The following PRAG1 variants were observed in gnomAD, a reference collection of about 807,000 sequenced individuals.
PRAG1 encodes PEAK1 related, kinase-activating pseudokinase 1.
Under a neutral mutation model 95.6 loss-of-function variants are expected in PRAG1, and 110 were observed. That is an observed-to-expected ratio of 1.15 (90% CI 0.99 to 1.35). The LOEUF (loss-of-function observed/expected upper bound fraction) is 1.35, where lower values mean the gene tolerates loss of function less well. Ranked by LOEUF, PRAG1 falls within the 40% of genes most tolerant of loss-of-function variation. The pLI, the probability that PRAG1 is intolerant of heterozygous loss-of-function variation, is 0.00. For synonymous variants in PRAG1, 1,052 were observed against 819.4 expected, an observed-to-expected ratio of 1.28 and a Z score of -4.85; for missense variants, 2,554 against 1,864.7, an observed-to-expected ratio of 1.37 and a Z score of -6.81.
intron 5 of PRAG1, among the ~76,000 whole-genome samples, chr8:8,322,629 G>T (rs1319824763): frequency 1.3e-5 from 2 of 152,038 alleles, no homozygotes; most frequent in African/African-American, 4.8e-5. Context: ...TTACTGATAG[G>T]GCAGTCTCTT....
intron 3 of PRAG1, 47 bp downstream of exon 3, chr8:8,376,200 A>G: frequency 1.3e-6 from 2 of 1,574,820 alleles, no homozygotes; most frequent in East Asian, 2.2e-5. Flanking sequence ...CTTCTGGAAG[A>G]GCCCTTTGCC....
intron 3 of PRAG1, among the ~76,000 whole-genome samples, chr8:8,368,768 C>G (rs986296787): frequency 6.6e-5 from 10 of 151,978 alleles, no homozygotes; most frequent in African/African-American, 1.9e-4. Flanking sequence ...ATGCACCTGA[C>G]AAAGCATGGA....
chr8:8,350,666 T>A (rs1286251338), intron 3 of PRAG1, among the ~76,000 whole-genome samples: 1 of 152,088 alleles, frequency 6.6e-6, no homozygotes, highest in Non-Finnish European at 1.5e-5. Flanking sequence ...AATGATGTGG[T>A]GGTTAAGAGC....
rs2117092955 is a variant in PRAG1 at position 8,319,192 on chromosome 8, G to A, written c.3183C>T (p.Ser1061=). 1 of 1,599,922 alleles carries A rather than the reference G, an allele frequency of 6.3e-7. No individual in the cohort carries two copies. The highest frequency in any genetic ancestry group is 8.5e-7 in the Non-Finnish European group (1 of 1,171,326). ...TGGGCGCGTCGGGGGAGCTGAGCAT[G>A]CTGGACGGCACCGAGGCGACGAAGT... is the stretch of plus-strand genomic sequence containing the variant. ...CGHFVASVPS[S]MLSSPDAPKD... is the part of the protein sequence containing the mutation. The change falls in exon 6 of 6, where the codon AGC becomes AGT. Residue 1061 remains serine (S), a synonymous_variant. Coordinates refer to ENST00000615670, the MANE Select transcript of PRAG1 (RefSeq NM_001080826.3).
rs991828801 is a variant in PRAG1, at chr8:8,318,572, G to T, written c.3803C>A (p.Pro1268His). ...CTGGGCGCGCACCTCGAACGGGTTGGGTTGGTGCAGCAGCTCGTAGATGAG... is the reference window on the plus strand; with the variant it reads ...CTGGGCGCGCACCTCGAACGGGTTGTGTTGGTGCAGCAGCTCGTAGATGAG... The part of the protein sequence containing the change: ...GILIYELLHQ[P>H]NPFEVRAQLR... Residue 1268 changes from proline (P) to histidine (H), a missense_variant, in exon 6 of 6, where the codon CCC becomes CAC. Pro to His is a moderately conservative substitution (Grantham distance 77). Transcript: ENST00000615670. This position sits in a 1 kb window ranked among gnomAD's most constrained non-coding sequence, Gnocchi z 4.2. 6.2e-7 allele frequency: 1 copy of T among 1,613,704 alleles called. No individual in the cohort carries two copies. The highest frequency in any genetic ancestry group is 8.5e-7 in the Non-Finnish European group (1 of 1,179,944).
In PRAG1 at chr8:8,318,781, G is replaced by A. The variant is rs1798370344; in HGVS notation, c.3594C>T (p.Pro1198=). Reference sequence around the variant, plus strand: ...TCTCCCGGGGCCCTTCCGGGGAGGCGGGGCCGGCTGCGGGGCTGAGAGTGC... The same window carrying A: ...TCTCCCGGGGCCCTTCCGGGGAGGCAGGGCCGGCTGCGGGGCTGAGAGTGC... ...AGGTLSPAAG[P]ASPEGPREKQ... Residue 1198 remains proline (P), a synonymous_variant, in exon 6 of 6, where the codon CCC becomes CCT. Transcript: ENST00000615670. This position sits in a 1 kb window ranked among gnomAD's most constrained non-coding sequence, Gnocchi z 4.2. 2 of 1,540,004 alleles carry A rather than the reference G, an allele frequency of 1.3e-6. No individual in the cohort carries two copies. The highest frequency in any genetic ancestry group is 1.4e-5 in the African/African-American group (1 of 72,996).
Position 8,377,198 on chromosome 8 carries a change from C to T in PRAG1, c.1211G>A (p.Arg404Gln), listed in dbSNP as rs3896980. 540,864 of 1,611,144 alleles carry T rather than the reference C, an allele frequency of 0.34. 96,797 individuals carry two copies. The highest frequency in any genetic ancestry group is 0.65 in the East Asian group (29,331 of 44,800). Residue 404 changes from arginine (R) to glutamine (Q), a missense_variant, in exon 3 of 6, where the codon CGG becomes CAG. Coordinates refer to ENST00000615670, the MANE Select transcript of PRAG1 (RefSeq NM_001080826.3). ...TGEPQPPAHP[R>Q]EATQPEPIYA... ...GATGGGTTCAGGCTGTGTAGCCTCC[C>T]GGGGGTGGGCCGGGGGCTGGGGCTC...
chr8:8,374,655 T>C (rs1183939282), intron 3 of PRAG1: 2 of 985,306 alleles, frequency 2.0e-6, no homozygotes, highest in South Asian at 4.7e-5. Context: ...TCATCTTAGC[T>C]GCTGAATCTC....
At chr8:8,343,767 G>A (rs745892963) in intron 3 of PRAG1, among the ~76,000 whole-genome samples, 2 of 152,114 alleles carry the variant, frequency 1.3e-5, no homozygotes, top group Non-Finnish European at 2.9e-5. Context: ...GAAATTAGTG[G>A]CATGTTTTCT....
chr8:8,367,229 C>T (rs996661150), intron 3 of PRAG1, among the ~76,000 whole-genome samples: 5 of 151,746 alleles, frequency 3.3e-5, no homozygotes, highest in South Asian at 2.1e-4. Context: ...ATAAGAATTA[C>T]GGGTGGATCA....
intron 3 of PRAG1, among the ~76,000 whole-genome samples, chr8:8,350,002 C>A (rs184246818): frequency 1.3e-5 from 2 of 151,614 alleles, no homozygotes; most frequent in African/African-American, 4.9e-5. Flanking sequence ...ACACACATTT[C>A]GGTTACTAGT....
intron 4 of PRAG1, among the ~76,000 whole-genome samples, chr8:8,335,009 T>C (rs2976952): frequency 0.41 from 62,290 of 151,538 alleles, 14,438 homozygotes; most frequent in African/African-American, 0.64. Flanking sequence ...AGGTGGGGCT[T>C]GCAGTGAGCA....
chr8:8,356,021 C>T (rs1018225181), intron 3 of PRAG1, among the ~76,000 whole-genome samples: 16 of 152,166 alleles, frequency 1.1e-4, no homozygotes, highest in Admixed American at 5.2e-4. Context: ...TTGCAAACCA[C>T]GTGTCTGATA....
At chr8:8,379,180 G>A (rs1038548679) in intron 2 of PRAG1, among the ~76,000 whole-genome samples, 6 of 152,096 alleles carry the variant, frequency 3.9e-5, no homozygotes, top group Non-Finnish European at 5.9e-5. Context: ...GGGCTTCCTC[G>A]CTTCTTTCTG....
intron 5 of PRAG1, among the ~76,000 whole-genome samples, chr8:8,324,285 T>A (rs925215059): frequency 6.6e-6 from 1 of 152,282 alleles, no homozygotes; most frequent in East Asian, 1.9e-4. Flanking sequence ...AGCAAACACT[T>A]GAGGCCTGGA....
In PRAG1 at chr8:8,337,001, C is replaced by G. The variant is rs539740394; in HGVS notation, c.2320+2477G>C. ...CCAAGAAGTTTACACAAACTACTAT[C>G]ATGATATGCCCTGGAATGACTTTTT... On this transcript the variant is annotated intron_variant, in intron 4 of 5. Coordinates refer to ENST00000615670, the MANE Select transcript of PRAG1 (RefSeq NM_001080826.3). Among the ~76,000 whole-genome samples the G allele has an allele frequency of 1.5e-4, 22 of 148,974 alleles. No individual in the cohort carries two copies. In the East Asian group the frequency reaches 4.3e-3, roughly 29 times the overall value.
chr8:8,330,855 G>T (rs914238821), intron 4 of PRAG1, among the ~76,000 whole-genome samples: 3 of 152,054 alleles, frequency 2.0e-5, no homozygotes, highest in Non-Finnish European at 4.4e-5. Context: ...AGGATCAGTT[G>T]CCACCTCCTG....
intron 3 of PRAG1, among the ~76,000 whole-genome samples, chr8:8,363,072 G>GAT (rs761535373): frequency 5.6e-5 from 8 of 144,128 alleles, no homozygotes; most frequent in Admixed American, 2.1e-4. Context: ...TAGATATATA[G>GAT]ATATATATAT....
intron 5 of PRAG1, among the ~76,000 whole-genome samples, chr8:8,319,947 T>C (rs1456606802): frequency 6.6e-6 from 1 of 152,210 alleles, no homozygotes; most frequent in East Asian, 1.9e-4. Flanking sequence ...TCCAAGTGTC[T>C]ATGAGGATGA....
Sources: allele counts gnomAD v4.1 joint callset (sites outside exome capture counted in the v4.1 genomes callset), GRCh38; gene constraint gnomAD v4.1.1; non-coding constraint Gnocchi (gnomAD v3.1); transcripts MANE v1.5; gene names NCBI Gene and HGNC (gene_info 2026-07-23, HGNC 2026-07-21).